SLC1A4: variants seen among roughly 807,000 people sequenced by gnomAD.
The protein encoded by SLC1A4 is neutral amino acid transporter A.
Under a neutral mutation model 37.7 loss-of-function variants are expected in SLC1A4, and 19 were observed. That is an observed-to-expected ratio of 0.50 (90% CI 0.35 to 0.74). SLC1A4 has a LOEUF of 0.74. Ranked by LOEUF, SLC1A4 falls within the 30% of genes least tolerant of loss-of-function variation. The probability of loss-of-function intolerance (pLI) is 0.01; values close to 1 mark genes in which losing one functional copy is unlikely to be tolerated. For missense variants in SLC1A4, 570 were observed against 712.9 expected (o/e 0.80, Z 2.28); for synonymous variants, 299 against 309.8 (o/e 0.97, Z 0.37).
intron 1 of SLC1A4, among the ~76,000 whole-genome samples, chr2:64,999,122 T>C (rs62140368): frequency 1.7e-3 from 252 of 152,346 alleles, no homozygotes; most frequent in Non-Finnish European, 3.0e-3. Flanking sequence ...TAATAACAAA[T>C]GTAAGTTGTT....
At position 64,989,528 on chromosome 2, in the gene SLC1A4, C is replaced by A. The variant is rs1572936885; in HGVS notation, c.-116C>A. 3.2e-6 allele frequency: 3 copies of A among 946,030 alleles called. No homozygotes were observed. The highest frequency in any genetic ancestry group is 4.3e-6 in the Non-Finnish European group (3 of 701,836). The allele number at this position is 946,030 out of a possible 1,614,324, so 58.6% of individuals were successfully genotyped here. A position where few individuals can be genotyped will look rare whatever the true frequency, so the allele number is the denominator to read the frequency against. ...GCGCCAGGCCCGGAGACCCCCGGGG[C>A]GGCTTCCCAGAACCTGCGGAGCACA... On this transcript the variant is annotated 5_prime_UTR_variant, in exon 1 of 8. Transcript: ENST00000234256.
In SLC1A4 at chr2:65,022,535, G is replaced by A. The variant is rs1237480975; in HGVS notation, c.*1389G>A. On this transcript the variant is annotated 3_prime_UTR_variant, in exon 8 of 8. Coordinates refer to ENST00000234256, the MANE Select transcript of SLC1A4 (RefSeq NM_003038.5). ...TTCTTGGATATCAAGTGCTAACCCA[G>A]TATGTTCTTCTTTTTTATGTAAGGG... 2.2e-5 allele frequency: 3 copies of A among 136,168 alleles called. 1 individual carries two copies. The highest frequency in any genetic ancestry group is 2.1e-4 in the Admixed American group (3 of 13,978). 8.4% of individuals were successfully genotyped at this position (136,168 alleles called of 1,614,324 possible).
chr2:65,018,445 G>A lies in SLC1A4; in HGVS notation c.1230-100G>A. 1 of 1,530,192 alleles carries A rather than the reference G, an allele frequency of 6.5e-7. No individual in the cohort carries two copies. Among genetic ancestry groups the A allele is most frequent in the Non-Finnish European group, 8.8e-7 (1 of 1,131,944 alleles). The allele number at this position is 1,530,192 out of a possible 1,614,324, so 94.8% of individuals were successfully genotyped here. A position where few individuals can be genotyped will look rare whatever the true frequency, so the allele number is the denominator to read the frequency against. ...AGCCAGCAGAGCCTATGGTGGGGCGGTTTTTAGTTTCCAGCCACATTGCAG... is the reference window on the plus strand; with the variant it reads ...AGCCAGCAGAGCCTATGGTGGGGCGATTTTTAGTTTCCAGCCACATTGCAG... On this transcript the variant is annotated intron_variant, in intron 6 of 7. Transcript: ENST00000234256. The surrounding 1 kb of genome is among the most constrained non-coding windows in gnomAD (Gnocchi z 4.3).
In SLC1A4 at chr2:64,989,889, G is replaced by A; in HGVS notation, c.246G>A (p.Leu82=). ...ACCTGGCCTTCCCCGGCGAGATGCT[G>A]CTCCGCATGCTGCGCATGATCATCC... ...VTYLAFPGEM[L]LRMLRMIILP... Residue 82 remains leucine, a synonymous_variant, in exon 1 of 8, where the codon CTG becomes CTA. Coordinates refer to ENST00000234256, the MANE Select transcript of SLC1A4 (RefSeq NM_003038.5). 6.5e-7 allele frequency: 1 copy of A among 1,549,208 alleles called. No individual in the cohort carries two copies. Among genetic ancestry groups the A allele is most frequent in the Non-Finnish European group, 8.7e-7 (1 of 1,151,158 alleles).
At chr2:64,998,596 G>T (rs1673354262) in intron 1 of SLC1A4, among the ~76,000 whole-genome samples, 1 of 152,140 alleles carries the variant, frequency 6.6e-6, no homozygotes, top group African/African-American at 2.4e-5. Flanking sequence ...TTGCAGACTA[G>T]ATATTGTAGA....
At chr2:65,005,108 A>G (rs1042559628) in intron 3 of SLC1A4, among the ~76,000 whole-genome samples, 2 of 152,246 alleles carry the variant, frequency 1.3e-5, no homozygotes, top group Admixed American at 6.5e-5. Context: ...CAGAAAAAAT[A>G]TTTATGGGTA....
chr2:65,010,767 A>G lies in SLC1A4; in HGVS notation c.800+4A>G. 1 of 1,608,928 alleles carries G rather than the reference A, an allele frequency of 6.2e-7. No homozygotes were observed. Among genetic ancestry groups the G allele is most frequent in the Non-Finnish European group, 8.5e-7 (1 of 1,178,074 alleles). ...TGCTGGTGTCCTGGATTATGTGGTG[A>G]GTGCTGCTTTGCTGCCTACTCTCTC... On this transcript the variant is annotated splice_donor_region_variant and intron_variant, in intron 4 of 7. Transcript: ENST00000234256.
chr2:65,001,592 G>A, intron 2 of SLC1A4, 102 bp downstream of exon 2: 3 of 1,074,946 alleles, frequency 2.8e-6, no homozygotes, highest in Non-Finnish European at 4.1e-6. Flanking sequence ...AGATGGTGGT[G>A]TTAACAAAAC....
At chr2:65,015,886 A>G (rs1350964518) in intron 4 of SLC1A4, among the ~76,000 whole-genome samples, 1 of 151,570 alleles carries the variant, frequency 6.6e-6, no homozygotes, top group Non-Finnish European at 1.5e-5. Context: ...CCTTTAAAAA[A>G]CTCTCACGCT....
intron 4 of SLC1A4, among the ~76,000 whole-genome samples, chr2:65,015,342 A>G (rs566312920): frequency 3.3e-5 from 5 of 152,368 alleles, no homozygotes; most frequent in African/African-American, 1.2e-4. Context: ...ATTTTACCAC[A>G]TTAAAAAATG....
intron 1 of SLC1A4, among the ~76,000 whole-genome samples, chr2:64,997,483 C>A (rs570384951): frequency 2.1e-4 from 32 of 152,346 alleles, no homozygotes; most frequent in African/African-American, 7.5e-4. Context: ...TTCTCCACCC[C>A]TGGCCTCAGG....
intron 2 of SLC1A4, among the ~76,000 whole-genome samples, chr2:65,003,001 G>GT (rs1429464508): frequency 6.6e-6 from 1 of 151,982 alleles, no homozygotes; most frequent in Non-Finnish European, 1.5e-5. Flanking sequence ...GTTTTGTTTT[G>GT]TTTTTTGATC....
chr2:65,003,823 G>A, intron 2 of SLC1A4, 130 bp from the exon 3 acceptor site: 1 of 669,342 alleles, frequency 1.5e-6, no homozygotes, highest in Non-Finnish European at 2.6e-6. Flanking sequence ...GGCCAGCCAA[G>A]TGAGGAATGC....
At position 65,022,499 on chromosome 2, in the gene SLC1A4, G is replaced by A. The variant is rs1292098204; in HGVS notation, c.*1353G>A. The A allele has an allele frequency of 6.6e-6, 1 of 152,050 alleles. No homozygotes were observed. Among genetic ancestry groups the A allele is most frequent in the Non-Finnish European group, 1.5e-5 (1 of 68,028 alleles). 9.4% of individuals were successfully genotyped at this position (152,050 alleles called of 1,614,324 possible). On this transcript the variant is annotated 3_prime_UTR_variant, in exon 8 of 8. Transcript: ENST00000234256. ...AAGCAAACTGTTAATCTTCGAAAAC[G>A]ACCATTTCACTTCTTGGATATCAAG...
At position 64,990,578 on chromosome 2, in the gene SLC1A4, A is replaced by T. The variant is rs559562465; in HGVS notation, c.527+408A>T. On this transcript the variant is annotated intron_variant, in intron 1 of 7. Transcript: ENST00000234256. ...ATGGTGCCTAAAAGCTTCTGGGAGC[A>T]TTGGTTAAGTTTTGCCTCTTGGGTC... Among the ~76,000 whole-genome samples the T allele has an allele frequency of 9.9e-5, 15 of 152,284 alleles. No individual in the cohort carries two copies. In the East Asian group the frequency reaches 2.3e-3, roughly 24 times the overall value.
intron 2 of SLC1A4, among the ~76,000 whole-genome samples, chr2:65,002,341 C>T (rs1673497934): frequency 7.8e-6 from 1 of 128,792 alleles, no homozygotes. Context: ...TATGGACACA[C>T]ACTACACATG....
At chr2:64,998,369 G>A (rs186804325) in intron 1 of SLC1A4, among the ~76,000 whole-genome samples, 2,362 of 149,924 alleles carry the variant, frequency 0.016, 33 homozygotes, top group Non-Finnish European at 0.023. Context: ...GCAGTGAGCC[G>A]AGATCTGCCA....
At chr2:65,005,529 AG>A (rs1673638534) in intron 3 of SLC1A4, among the ~76,000 whole-genome samples, 1 of 152,134 alleles carries the variant, frequency 6.6e-6, no homozygotes, top group Admixed American at 6.5e-5. Flanking sequence ...CCTGCTTTCC[AG>A]GTAAGTGGCT....
chr2:65,017,776 A>G (rs1674215258), intron 5 of SLC1A4, among the ~76,000 whole-genome samples: 1 of 152,220 alleles, frequency 6.6e-6, no homozygotes, highest in African/African-American at 2.4e-5. Flanking sequence ...TTCTCTCGGG[A>G]ACGTTTTGCA....
Sources: gnomAD v4.1 joint callset for allele counts (sites outside exome capture counted in the v4.1 genomes callset) on GRCh38, gnomAD v4.1.1 for gene constraint, Gnocchi (gnomAD v3.1) non-coding constraint, MANE v1.5 for transcripts, NCBI Gene and HGNC (gene_info 2026-07-23, HGNC 2026-07-21) for gene names.